Variants in AKAP17A observed in about 807,000 individuals in gnomAD.
The protein encoded by AKAP17A is A-kinase anchoring protein 17A.
Under a neutral mutation model 52.2 loss-of-function variants are expected in AKAP17A, and 15 were observed. The ratio of observed to expected loss-of-function variants is 0.29; its 90% CI spans 0.19 to 0.44. The LOEUF is 0.44. AKAP17A is among the 20% of genes least tolerant of loss of function. The pLI, the probability that AKAP17A is intolerant of heterozygous loss-of-function variation, is 1.00. For missense variants in AKAP17A, 1,060 were observed against 1,007.0 expected, an observed-to-expected ratio of 1.05 and a Z score of -0.71; for synonymous variants, 514 against 424.7, an observed-to-expected ratio of 1.21 and a Z score of -2.58.
rs1298110241 is a variant in AKAP17A, at chrX:1,599,283, C to A, written c.1003C>A (p.Arg335Ser). ...GCAGAAGCAGAGGGACCGTGAGCTG[C>A]GCCGGAATCAGAAGAAGCTGGAGAA... is the stretch of plus-strand genomic sequence containing the variant. ...REQKQRDREL[R>S]RNQKKLEKLQ... Residue 335 changes from arginine (R) to serine (S), a missense_variant, in exon 4 of 5, where the codon CGC becomes AGC. By Grantham distance (110) the Arg-to-Ser change is moderately radical. This residue lies in a region of AKAP17A where 793 missense variants were observed against 629.9 expected (regional missense o/e 1.26). Coordinates refer to ENST00000313871, the MANE Select transcript of AKAP17A (RefSeq NM_005088.3). The A allele has an allele frequency of 6.2e-7, 1 of 1,611,730 alleles. No homozygotes were observed.
At chrX:1,595,626 G>C (rs760789259) in intron 3 of AKAP17A, 94 bp downstream of exon 3, 1 of 1,532,416 alleles carries the variant, frequency 6.5e-7, no homozygotes, top group Non-Finnish European at 8.9e-7. Flanking sequence ...ATTCCTGTGC[G>C]TGTGTGTGTG....
chrX:1,591,654 G>C lies in AKAP17A; in HGVS notation c.-135G>C, dbSNP rs1252111267. On this transcript the variant is annotated 5_prime_UTR_variant, in exon 1 of 5. Transcript: ENST00000313871. Reference sequence around the variant, plus strand: ...GGTGGCGGCGTCGGAGGCGCCTCCGGGGGACGGTGGCGGCTCCCGGCGGTG... The same window carrying C: ...GGTGGCGGCGTCGGAGGCGCCTCCGCGGGACGGTGGCGGCTCCCGGCGGTG... 6.6e-6 allele frequency: 1 copy of C among 152,054 alleles called. No homozygotes were observed. Among genetic ancestry groups the C allele is most frequent in the Non-Finnish European group, 1.5e-5 (1 of 67,974 alleles). The allele number at this position is 152,054 out of a possible 1,614,324, so 9.4% of individuals were successfully genotyped here. A position where few individuals can be genotyped will look rare whatever the true frequency, so the allele number is the denominator to read the frequency against.
Position 1,599,425 on chromosome X carries a change from G to C in AKAP17A, c.1145G>C (p.Arg382Thr). Reference sequence around the variant, plus strand: ...CGGCTCATCGCCGAGCTGCTCAGCAGAGCCAAGGTACCCGGGGGCTCCCTC... The same window carrying C: ...CGGCTCATCGCCGAGCTGCTCAGCACAGCCAAGGTACCCGGGGGCTCCCTC... ...SIRLIAELLS[R>T]AKAVKLREQE... Residue 382 changes from arginine (R) to threonine (T), a missense_variant, in exon 4 of 5, where the codon AGA becomes ACA. Transcript: ENST00000313871. The C allele has an allele frequency of 6.4e-7, 1 of 1,562,800 alleles. No homozygotes were observed. The highest frequency in any genetic ancestry group is 8.7e-7 in the Non-Finnish European group (1 of 1,154,690).
chrX:1,601,814 C>T lies in AKAP17A; in HGVS notation c.*220C>T, dbSNP rs1200071573. 3.3e-5 allele frequency: 14 copies of T among 422,216 alleles called. No individual in the cohort carries two copies. Among genetic ancestry groups the T allele is most frequent in the Admixed American group, 2.1e-4 (5 of 24,052 alleles). 26.2% of individuals were successfully genotyped at this position (422,216 alleles called of 1,614,324 possible). A position where few individuals can be genotyped will look rare whatever the true frequency, so the allele number is the denominator to read the frequency against. On this transcript the variant is annotated 3_prime_UTR_variant, in exon 5 of 5. Coordinates refer to ENST00000313871, the MANE Select transcript of AKAP17A (RefSeq NM_005088.3). ...GTACTTGGCACTTCAGTTTCAAACA[C>T]GTAGTCCTTTAAAACTTGATCCGAT...
At position 1,601,468 on chromosome X, in the gene AKAP17A, G is replaced by T; in HGVS notation, c.1962G>T (p.Arg654Ser). 1.3e-6 allele frequency: 2 copies of T among 1,571,914 alleles called. No individual in the cohort carries two copies. The highest frequency in any genetic ancestry group is 2.2e-5 in the South Asian group (2 of 88,970). ...CCCGGAGGTCCCACAGCAAAGACAG[G>T]CACCGGAGGGAGCGGAGCCGGGAGC... ...TRSRRSHSKD[R>S]HRRERSRERR... The change falls in exon 5 of 5, where the codon AGG becomes AGT. Residue 654 changes from arginine (R) to serine (S), a missense_variant. Around this residue, in one of 2 missense-constraint regions of AKAP17A, gnomAD observed 793 missense variants for 629.9 expected, o/e 1.26. Transcript: ENST00000313871.
intron 3 of AKAP17A, among the ~76,000 whole-genome samples, chrX:1,598,400 G>T (rs1933139048): frequency 6.6e-6 from 1 of 152,154 alleles, no homozygotes; most frequent in Admixed American, 6.5e-5. Flanking sequence ...GCGTGGGTCT[G>T]TGTCACCCCG....
At chrX:1,598,653 C>T (rs1240538475) in intron 3 of AKAP17A, among the ~76,000 whole-genome samples, 1 of 152,140 alleles carries the variant, frequency 6.6e-6, no homozygotes, top group African/African-American at 2.4e-5. Context: ...CCTGGACACC[C>T]CTCTCCACAG....
At chrX:1,595,571 G>C (rs375400665) in intron 3 of AKAP17A, 39 bp downstream of exon 3, 6 of 1,612,242 alleles carry the variant, frequency 3.7e-6, no homozygotes, top group Non-Finnish European at 4.2e-6. Flanking sequence ...GCTGGTGTCC[G>C]GCACCTGGGA....
Position 1,600,894 on chromosome X carries a change from T to G in AKAP17A, c.1388T>G (p.Leu463Arg). Residue 463 changes from leucine to arginine, a missense_variant, in exon 5 of 5, where the codon CTG (leucine) becomes CGG (arginine). Physicochemically the swap from Leu to Arg is moderately radical, Grantham distance 102. Coordinates refer to ENST00000313871, the MANE Select transcript of AKAP17A (RefSeq NM_005088.3). Reference protein sequence around the residue: ...HDELGVAHADLLQPVLDILQT... With the variant: ...HDELGVAHADRLQPVLDILQT... Reference sequence around the variant, plus strand: ...GAGCTGGGCGTGGCACACGCCGACCTGCTGCAGCCCGTCCTGGACATCCTG... The same window carrying G: ...GAGCTGGGCGTGGCACACGCCGACCGGCTGCAGCCCGTCCTGGACATCCTG... The G allele has an allele frequency of 6.3e-7, 1 of 1,577,912 alleles. No homozygotes were observed. The highest frequency in any genetic ancestry group is 8.6e-7 in the Non-Finnish European group (1 of 1,166,008).
Position 1,595,239 on chromosome X carries a change from ACCGGACATGAGTGGTGAGC to A in AKAP17A, c.763-144_763-126del. On this transcript the variant is annotated intron_variant, in intron 2 of 4. Coordinates refer to ENST00000313871, the MANE Select transcript of AKAP17A (RefSeq NM_005088.3). ...TCTGGGCTCCACTGTCTGGGTCTGC[ACCGGACATGAGTGGTGAGC>A]GGTGAGCGGTGAGCGGGCGCTCAGG... is the stretch of plus-strand genomic sequence containing the variant. 81 of 188,726 alleles carry A rather than the reference ACCGGACATGAGTGGTGAGC, an allele frequency of 4.3e-4. 32 individuals are homozygous for A. Among genetic ancestry groups the A allele is most frequent in the South Asian group, 8.9e-4 (9 of 10,160 alleles). The allele number at this position is 188,726 out of a possible 1,614,324, so 11.7% of individuals were successfully genotyped here.
rs56034153 is a variant in AKAP17A at position 1,601,944 on chromosome X, T to G, written c.*350T>G. The G allele has an allele frequency of 7.9e-5, 21 of 265,814 alleles. No homozygotes were observed. Among genetic ancestry groups the G allele is most frequent in the African/African-American group, 4.6e-4 (21 of 45,484 alleles). The allele number at this position is 265,814 out of a possible 1,614,324, so 16.5% of individuals were successfully genotyped here. ...TCCCCCACACGGGGATTTCTGTGTCTGCTTGGCGACCTCCCTGCGTGCACG... is the reference window on the plus strand; with the variant it reads ...TCCCCCACACGGGGATTTCTGTGTCGGCTTGGCGACCTCCCTGCGTGCACG... On this transcript the variant is annotated 3_prime_UTR_variant, in exon 5 of 5. Coordinates refer to ENST00000313871, the MANE Select transcript of AKAP17A (RefSeq NM_005088.3).
rs1483300126 is a variant in AKAP17A, at chrX:1,595,388, C to T, written c.767C>T (p.Ser256Phe). ...GKAVACNIKV[S>F]FDSTKHLSDA... Reference sequence around the variant, plus strand: ...ACACTGTTTTTGCTTTTAAAGGTTTCTTTTGATTCGACCAAACACCTGAGT... The same window carrying T: ...ACACTGTTTTTGCTTTTAAAGGTTTTTTTTGATTCGACCAAACACCTGAGT... The change falls in exon 3 of 5, where the codon TCT (serine) becomes TTT (phenylalanine). Residue 256 changes from serine to phenylalanine, a missense_variant. By Grantham distance (155) the Ser-to-Phe change is radical. This residue lies in a region of AKAP17A where 267 missense variants were observed against 377.1 expected (regional missense o/e 0.71). Transcript: ENST00000313871. 6.2e-7 allele frequency: 1 copy of T among 1,613,752 alleles called. No homozygotes were observed. Among genetic ancestry groups the T allele is most frequent in the Non-Finnish European group, 8.5e-7 (1 of 1,179,860 alleles).
rs766618081 is a variant in AKAP17A, at chrX:1,600,101, A to G, written c.1153-558A>G. The G allele has an allele frequency of 1.7e-4, 217 of 1,260,046 alleles. 2 individuals carry two copies. In the African/African-American group the frequency reaches 3.0e-3, roughly 17 times the overall value. 78.1% of individuals were successfully genotyped at this position (1,260,046 alleles called of 1,614,324 possible). A position where few individuals can be genotyped will look rare whatever the true frequency, so the allele number is the denominator to read the frequency against. ...GAGGGCTGCGTCCCCCTGGAGTCCA[A>G]CGCGGGGCGACCCCATAACCTGTTG... On this transcript the variant is annotated intron_variant, in intron 4 of 4. Coordinates refer to ENST00000313871, the MANE Select transcript of AKAP17A (RefSeq NM_005088.3).
At position 1,601,389 on chromosome X, in the gene AKAP17A, C is replaced by G. The variant is rs760363741; in HGVS notation, c.1883C>G (p.Ala628Gly). ...GAGCGGCGGCCCCACAAGAAGCACGCCTACAAGGATGACAGCCCCCGCCGG... is the reference window on the plus strand; with the variant it reads ...GAGCGGCGGCCCCACAAGAAGCACGGCTACAAGGATGACAGCCCCCGCCGG... ...RKERRPHKKH[A>G]YKDDSPRRRS... The change falls in exon 5 of 5, where the codon GCC becomes GGC. Residue 628 changes from alanine to glycine, a missense_variant. Physicochemically the swap from Ala to Gly is moderately conservative, Grantham distance 60. Around this residue, in one of 2 missense-constraint regions of AKAP17A, gnomAD observed 793 missense variants for 629.9 expected, o/e 1.26. Transcript: ENST00000313871. The G allele has an allele frequency of 1.3e-6, 2 of 1,568,196 alleles. No homozygotes were observed. The highest frequency in any genetic ancestry group is 1.4e-5 in the African/African-American group (1 of 73,852).
At chrX:1,597,265 G>C (rs1421260716) in intron 3 of AKAP17A, among the ~76,000 whole-genome samples, 2 of 152,188 alleles carry the variant, frequency 1.3e-5, no homozygotes, top group Non-Finnish European at 2.9e-5. Context: ...CGGGTTGTCA[G>C]CCTCTGAATC....
Position 1,600,730 on chromosome X carries a change from G to A in AKAP17A, c.1224G>A (p.Arg408=), listed in dbSNP as rs1301188897. The change falls in exon 5 of 5, where the codon CGG becomes CGA. Residue 408 remains arginine (R), a synonymous_variant. Transcript: ENST00000313871. ...TCCAGCAGCAGGAGGAGCGGCGGCG[G>A]CTGCAGGAGGCCGAGCTGCGGCGCG... ...LRLQQQEERR[R]LQEAELRRVE... is the part of the protein sequence containing the mutation. 1 of 1,547,252 alleles carries A rather than the reference G, an allele frequency of 6.5e-7. No homozygotes were observed. The highest frequency in any genetic ancestry group is 2.4e-5 in the East Asian group (1 of 41,262).
chrX:1,599,304 G>C lies in AKAP17A; in HGVS notation c.1024G>C (p.Glu342Gln), dbSNP rs376308096. The change falls in exon 4 of 5, where the codon GAG (glutamate) becomes CAG (glutamine). Residue 342 changes from glutamate to glutamine, a missense_variant. Glu to Gln is a conservative substitution (Grantham distance 29). This residue lies in a region of AKAP17A where 793 missense variants were observed against 629.9 expected (regional missense o/e 1.26). Transcript: ENST00000313871. ...RELRRNQKKL[E>Q]KLQAEEQKQL... ...GCTGCGCCGGAATCAGAAGAAGCTG[G>C]AGAAGCTGCAGGCGGAGGAGCAGAA... 1.9e-5 allele frequency: 31 copies of C among 1,610,488 alleles called. No homozygotes were observed. Among genetic ancestry groups the C allele is most frequent in the Non-Finnish European group, 2.6e-5 (31 of 1,178,978 alleles).
chrX:1,597,835 G>A (rs1466267073), intron 3 of AKAP17A, among the ~76,000 whole-genome samples: 5 of 152,030 alleles, frequency 3.3e-5, no homozygotes, highest in African/African-American at 7.2e-5. Flanking sequence ...AAGCGGGGCC[G>A]GGCCATGAGG....
At position 1,600,833 on chromosome X, in the gene AKAP17A, C is replaced by G; in HGVS notation, c.1327C>G (p.Leu443Val). Residue 443 changes from leucine (L) to valine (V), a missense_variant, in exon 5 of 5, where the codon CTG becomes GTG. Around this residue, in one of 2 missense-constraint regions of AKAP17A, gnomAD observed 793 missense variants for 629.9 expected, o/e 1.26. Transcript: ENST00000313871. The part of the protein sequence containing the change: ...ELRERLLSIL[L>V]SKKPDDSHTH... ...GCGCGAGCGGCTGCTGAGCATCCTG[C>G]TGAGCAAGAAGCCGGACGACAGCCA... is the stretch of plus-strand genomic sequence containing the variant. 6.3e-7 allele frequency: 1 copy of G among 1,592,740 alleles called. No homozygotes were observed. The highest frequency in any genetic ancestry group is 2.3e-5 in the East Asian group (1 of 44,264).
Sources: gnomAD v4.1 joint callset for allele counts (sites outside exome capture counted in the v4.1 genomes callset) on GRCh38, gnomAD v4.1.1 for gene constraint, gnomAD v4.1.1 regional missense constraint, MANE v1.5 for transcripts, NCBI Gene and HGNC (gene_info 2026-07-23, HGNC 2026-07-21) for gene names.